Variants in CELSR1 observed in about 807,000 individuals in gnomAD.
CELSR1 encodes cadherin EGF LAG seven-pass G-type receptor 1.
In CELSR1, 110 loss-of-function variants were observed where a neutral mutation model predicts 249.1. That is an observed-to-expected ratio of 0.44 (90% CI 0.38 to 0.52). CELSR1 has a LOEUF of 0.52. CELSR1 is among the 20% of genes least tolerant of loss of function. The pLI, the probability that CELSR1 is intolerant of heterozygous loss-of-function variation, is 0.00. For synonymous variants in CELSR1, 2,113 were observed against 1,900.0 expected, an observed-to-expected ratio of 1.11 and a Z score of -2.92; for missense variants, 4,109 against 4,296.4, an observed-to-expected ratio of 0.96 and a Z score of 1.22.
chr22:46,397,955 G>A lies in CELSR1; in HGVS notation c.5527-107C>T, dbSNP rs2079169135. ...CCCTTGCGAGGCATTCATCTGTGAT[G>A]CCTCATTTATCTACAGAGCTGGGGC... On this transcript the variant is annotated intron_variant, in intron 11 of 34. Transcript: ENST00000674500. The A allele has an allele frequency of 4.1e-6, 4 of 965,928 alleles. No homozygotes were observed. The African/African-American group carries it at 5.1e-5, about 12-fold the overall frequency. The allele number at this position is 965,928 out of a possible 1,614,324, so 59.8% of individuals were successfully genotyped here. A position where few individuals can be genotyped will look rare whatever the true frequency, so the allele number is the denominator to read the frequency against.
rs1222649279 is a variant in CELSR1, at chr22:46,436,433, T to C, written c.4407-144A>G. ...TGGTGTCAGGCATGCGTCCTTCTCATAGGAGCAGACAGCCCATCAAGCTTG... is the reference window on the plus strand; with the variant it reads ...TGGTGTCAGGCATGCGTCCTTCTCACAGGAGCAGACAGCCCATCAAGCTTG... On this transcript the variant is annotated intron_variant, in intron 3 of 34. Transcript: ENST00000674500. The surrounding 1 kb of genome is among the most constrained non-coding windows in gnomAD (Gnocchi z 5.9). 1 of 613,578 alleles carries C rather than the reference T, an allele frequency of 1.6e-6. No homozygotes were observed. Among genetic ancestry groups the C allele is most frequent in the African/African-American group, 1.8e-5 (1 of 54,210 alleles). The allele number at this position is 613,578 out of a possible 1,614,324, so 38.0% of individuals were successfully genotyped here.
chr22:46,410,419 C>A lies in CELSR1; in HGVS notation c.4912G>T (p.Ala1638Ser). The change falls in exon 7 of 35, where the codon GCC becomes TCC. Residue 1638 changes from alanine to serine, a missense_variant. Ala to Ser is a moderately conservative substitution (Grantham distance 99). Coordinates refer to ENST00000674500, the MANE Select transcript of CELSR1 (RefSeq NM_001378328.1). This position sits in a 1 kb window ranked among gnomAD's most constrained non-coding sequence, Gnocchi z 6.8. ...GKNVDMAGFI[A>S]NNGTREGCAA... ...GTACCTTCCCGGGTGCCATTGTTGG[C>A]GATGAATCCGGCCATGTCCACATTT... is the stretch of plus-strand genomic sequence containing the variant. 2 of 1,613,784 alleles carry A rather than the reference C, an allele frequency of 1.2e-6. No individual in the cohort carries two copies. The highest frequency in any genetic ancestry group is 1.7e-6 in the Non-Finnish European group (2 of 1,179,826).
At chr22:46,442,776 T>C (rs1279789288) in intron 2 of CELSR1, among the ~76,000 whole-genome samples, 1 of 152,144 alleles carries the variant, frequency 6.6e-6, no homozygotes, top group Non-Finnish European at 1.5e-5. Context: ...CCACTCTTCA[T>C]TACCAGGTTG....
chr22:46,521,724 G>A (rs1487864727), intron 1 of CELSR1, among the ~76,000 whole-genome samples: 1 of 151,866 alleles, frequency 6.6e-6, no homozygotes, highest in Non-Finnish European at 1.5e-5. Flanking sequence ...GGCTGAGGCA[G>A]GAGAATCGCT....
intron 1 of CELSR1, among the ~76,000 whole-genome samples, chr22:46,491,897 A>G (rs2080370871): frequency 6.6e-6 from 1 of 152,190 alleles, no homozygotes. Context: ...TCAGCCTCCC[A>G]AAGTGCTGGG....
chr22:46,503,140 C>G (rs2080482619), intron 1 of CELSR1, among the ~76,000 whole-genome samples: 2 of 152,190 alleles, frequency 1.3e-5, no homozygotes, highest in Admixed American at 6.5e-5. Flanking sequence ...ATGGACAAGA[C>G]TCAGCTTAGC....
At chr22:46,498,883 T>C (rs886811735) in intron 1 of CELSR1, among the ~76,000 whole-genome samples, 1 of 150,852 alleles carries the variant, frequency 6.6e-6, no homozygotes, top group African/African-American at 2.4e-5. Context: ...TATAAACCAT[T>C]AAAGTAAAAC....
chr22:46,371,669 C>T (rs1285563798), intron 25 of CELSR1, among the ~76,000 whole-genome samples: 1 of 151,150 alleles, frequency 6.6e-6, no homozygotes, highest in African/African-American at 2.4e-5. Context: ...CTCTCCATCC[C>T]TCCAACCATC....
At position 46,376,666 on chromosome 22, in the gene CELSR1, G is replaced by GC. The variant is rs142348181; in HGVS notation, c.7584+394dup. ...GGTGGGATTACACGCATGAGCCACT[G>GC]CCCTTAAATCACTTTTGACAAGAGT... On this transcript the variant is annotated intron_variant, in intron 24 of 34. Transcript: ENST00000674500. 8.1e-4 allele frequency among the ~76,000 whole-genome samples: 124 copies of GC among 152,278 alleles called. 1 individual carries two copies. The East Asian group carries it at 0.022, about 27-fold the overall frequency.
rs183900679 is a variant in CELSR1 at position 46,431,678 on chromosome 22, G to A, written c.4611+1715C>T. ...AGTAGGCAGCGCCAGGCAGCAGGAC[G>A]CAACGGCCACCCGTGCAGCTCACCC... On this transcript the variant is annotated intron_variant, in intron 5 of 34. Coordinates refer to ENST00000674500, the MANE Select transcript of CELSR1 (RefSeq NM_001378328.1). 8.1e-4 allele frequency among the ~76,000 whole-genome samples: 123 copies of A among 152,314 alleles called. 2 individuals are homozygous for A. The highest frequency in any genetic ancestry group is 3.3e-3 in the Admixed American group (50 of 15,302).
At chr22:46,522,841 G>A (rs2080699643) in intron 1 of CELSR1, among the ~76,000 whole-genome samples, 2 of 152,222 alleles carry the variant, frequency 1.3e-5, no homozygotes, top group Admixed American at 6.5e-5. Context: ...ATCTGAACGG[G>A]GCAGTGAGTG....
chr22:46,414,976 G>C (rs200409132), intron 5 of CELSR1, among the ~76,000 whole-genome samples: 1 of 152,136 alleles, frequency 6.6e-6, no homozygotes, highest in Non-Finnish European at 1.5e-5. Context: ...CAACGGTGCG[G>C]GGGTCCCGGA....
rs1452441420 is a variant in CELSR1 at position 46,506,917 on chromosome 22, CG to C, written c.3544+26709del. On this transcript the variant is annotated intron_variant, in intron 1 of 34. Coordinates refer to ENST00000674500, the MANE Select transcript of CELSR1 (RefSeq NM_001378328.1). The surrounding 1 kb of genome is among the most constrained non-coding windows in gnomAD (Gnocchi z 4.1). ...CCAACACATAAAAACCGATTCCAGG[CG>C]GGGCGTGGTGGCTCACGTTTGTAAT... is the stretch of plus-strand genomic sequence containing the variant. Among the ~76,000 whole-genome samples the C allele has an allele frequency of 6.6e-6, 1 of 152,140 alleles. No homozygotes were observed. The highest frequency in any genetic ancestry group is 1.5e-5 in the Non-Finnish European group (1 of 68,028).
intron 1 of CELSR1, among the ~76,000 whole-genome samples, chr22:46,503,654 G>A (rs1164926304): frequency 3.9e-5 from 6 of 152,190 alleles, no homozygotes; most frequent in South Asian, 4.1e-4. Context: ...TTTAAAAACC[G>A]AAAACGGGGC....
At chr22:46,405,957 C>A (rs1322275818) in intron 9 of CELSR1, among the ~76,000 whole-genome samples, 1 of 152,158 alleles carries the variant, frequency 6.6e-6, no homozygotes, top group African/African-American at 2.4e-5. Context: ...CTGCAGCATC[C>A]CCTCAAGGCC....
intron 1 of CELSR1, among the ~76,000 whole-genome samples, chr22:46,498,630 AAG>A (rs2080438318): frequency 6.6e-6 from 1 of 151,740 alleles, no homozygotes; most frequent in Non-Finnish European, 1.5e-5. Context: ...AAAAAAGAAA[AAG>A]AAAAAACAAC....
chr22:46,389,347 G>A lies in CELSR1; in HGVS notation c.6498C>T (p.His2166=), dbSNP rs551320117. 39 of 1,610,912 alleles carry A rather than the reference G, an allele frequency of 2.4e-5. No individual in the cohort carries two copies. Among genetic ancestry groups the A allele is most frequent in the South Asian group, 1.1e-4 (10 of 91,036 alleles). Residue 2166 remains histidine (H), a synonymous_variant, in exon 18 of 35, where the codon CAC becomes CAT. Transcript: ENST00000674500. The part of the protein sequence containing the change: ...AYQLLGHVLQ[H]ESWQQGFDLA... Reference sequence around the variant, plus strand: ...GGTCGAAGCCCTGCTGCCAGCTCTCGTGCTGAAGGACGTGGCCCAGCAGCT... The same window carrying A: ...GGTCGAAGCCCTGCTGCCAGCTCTCATGCTGAAGGACGTGGCCCAGCAGCT...
In CELSR1 at chr22:46,403,645, TAAC is replaced by T. The variant is rs200181027; in HGVS notation, c.5227-3746_5227-3744del. Among the ~76,000 whole-genome samples, 327 of 152,018 alleles carry T rather than the reference TAAC, an allele frequency of 2.2e-3. 7 individuals carry two copies. The East Asian group carries it at 0.044, about 20-fold the overall frequency. ...CTTGATGTATATAGAACAGTACAGA[TAAC>T]AACTGCAGAGCACACAGGGGCATGT... is the stretch of plus-strand genomic sequence containing the variant. On this transcript the variant is annotated intron_variant, in intron 9 of 34. Coordinates refer to ENST00000674500, the MANE Select transcript of CELSR1 (RefSeq NM_001378328.1).
rs1284861890 is a variant in CELSR1, at chr22:46,535,695, C to T, written c.1476G>A (p.Ala492=). 1.2e-6 allele frequency: 2 copies of T among 1,613,010 alleles called. No homozygotes were observed. Among genetic ancestry groups the T allele is most frequent in the Admixed American group, 1.7e-5 (1 of 60,030 alleles). ...CGCTGAGGATGCTGTAGTGAATGGCCGCGTTCTGGCCCTGGTCCCGGTCCG... is the reference window on the plus strand; with the variant it reads ...CGCTGAGGATGCTGTAGTGAATGGCTGCGTTCTGGCCCTGGTCCCGGTCCG... ...QATDRDQGQN[A]AIHYSILSGN... is the part of the protein sequence containing the mutation. Residue 492 remains alanine (A), a synonymous_variant, in exon 1 of 35, where the codon GCG becomes GCA. Coordinates refer to ENST00000674500, the MANE Select transcript of CELSR1 (RefSeq NM_001378328.1).
Sources: gnomAD v4.1 joint callset for allele counts (sites outside exome capture counted in the v4.1 genomes callset) on GRCh38, gnomAD v4.1.1 for gene constraint, Gnocchi (gnomAD v3.1) non-coding constraint, MANE v1.5 for transcripts, NCBI Gene and HGNC (gene_info 2026-07-23, HGNC 2026-07-21) for gene names.